The following CSNK1D variants were observed in gnomAD, a reference collection of about 807,000 sequenced individuals.
The protein encoded by CSNK1D is casein kinase I isoform delta.
In CSNK1D, 16 loss-of-function variants were observed where a neutral mutation model predicts 46.6. The ratio of observed to expected loss-of-function variants is 0.34; its 90% CI spans 0.23 to 0.52. The LOEUF (loss-of-function observed/expected upper bound fraction) is 0.52. Ranked by LOEUF, CSNK1D falls within the 20% of genes least tolerant of loss-of-function variation. The pLI is 0.95. For missense variants in CSNK1D, 398 were observed against 578.4 expected (o/e 0.69, Z 3.20); for synonymous variants, 276 against 228.2 (o/e 1.21, Z -1.89).
downstream of CSNK1D, among the ~76,000 whole-genome samples, chr17:82,242,318 G>A (rs1172627067): frequency 2.0e-5 from 3 of 152,194 alleles, no homozygotes; most frequent in East Asian, 1.9e-4. Context: ...TGAGCACCAC[G>A]GCCCTATGGC....
Position 82,273,198 on chromosome 17 carries a change from T to G in CSNK1D, c.76+108A>C. The G allele has an allele frequency of 8.5e-7, 1 of 1,170,000 alleles. No homozygotes were observed. Among genetic ancestry groups the G allele is most frequent in the Non-Finnish European group, 1.2e-6 (1 of 826,922 alleles). The allele number at this position is 1,170,000 out of a possible 1,614,324, so 72.5% of individuals were successfully genotyped here. ...GCCACGATCCGGCGGTGCCGGGACT[T>G]GCGCGGAGACCCCGCGGGGGCCACC... On this transcript the variant is annotated intron_variant, in intron 1 of 8. Transcript: ENST00000314028. This position sits in a 1 kb window ranked among gnomAD's most constrained non-coding sequence, Gnocchi z 5.1.
downstream of CSNK1D, chr17:82,240,089 C>G: frequency 8.1e-7 from 1 of 1,232,556 alleles, no homozygotes; most frequent in Non-Finnish European, 1.0e-6. Context: ...GCGAAAAGTG[C>G]ACATCTCAGG....
chr17:82,254,878 C>T (rs2051128886), intron 3 of CSNK1D, among the ~76,000 whole-genome samples: 1 of 142,788 alleles, frequency 7.0e-6, no homozygotes, highest in African/African-American at 2.6e-5. Context: ...CCGCCGGGGG[C>T]CTCGAGAAGC....
At chr17:82,271,526 G>A (rs1416546124) in intron 1 of CSNK1D, among the ~76,000 whole-genome samples, 1 of 152,180 alleles carries the variant, frequency 6.6e-6, no homozygotes, top group Non-Finnish European at 1.5e-5. Flanking sequence ...CCCAAACACT[G>A]CCAAGAACAC....
At chr17:82,263,052 T>C (rs1279172264) in intron 2 of CSNK1D, among the ~76,000 whole-genome samples, 3 of 152,122 alleles carry the variant, frequency 2.0e-5, no homozygotes. Flanking sequence ...GGGTGGCTCA[T>C]GCCTGTAATC....
chr17:82,255,123 A>G lies in CSNK1D; in HGVS notation c.336+306T>C, dbSNP rs1394467838. On this transcript the variant is annotated intron_variant, in intron 3 of 8. Coordinates refer to ENST00000314028, the MANE Select transcript of CSNK1D (RefSeq NM_001893.6). This position sits in a 1 kb window ranked among gnomAD's most constrained non-coding sequence, Gnocchi z 5.9. ...GGAGCCTCGAGAAGCCAGTGAGCTG[A>G]GCCGTCGGAGCCTCCAGAAGCCAGT... 8.6e-4 allele frequency: 347 copies of G among 405,688 alleles called. 1 individual carries two copies. Among genetic ancestry groups the G allele is most frequent in the African/African-American group, 2.7e-3 (118 of 44,356 alleles). The allele number at this position is 405,688 out of a possible 1,614,324, so 25.1% of individuals were successfully genotyped here.
rs2050848898 is a variant in CSNK1D, at chr17:82,246,296, CTT to C, written c.1198-1467_1198-1466del. On this transcript the variant is annotated intron_variant, in intron 8 of 8. Transcript: ENST00000314028. ...TGGCATGGGACAGGCCCTCCTGAGTCTTCTCAAGCACTAAGAAAACCTGATCC... is the reference window on the plus strand; with the variant it reads ...TGGCATGGGACAGGCCCTCCTGAGTCCTCAAGCACTAAGAAAACCTGATCC... 3.6e-6 allele frequency: 5 copies of C among 1,382,598 alleles called. No homozygotes were observed. The East Asian group carries it at 1.4e-4, about 40-fold the overall frequency. 85.6% of individuals were successfully genotyped at this position (1,382,598 alleles called of 1,614,324 possible).
At chr17:82,263,379 T>C (rs773814273) in intron 2 of CSNK1D, among the ~76,000 whole-genome samples, 51 of 152,200 alleles carry the variant, frequency 3.4e-4, no homozygotes, top group Non-Finnish European at 6.5e-4. Flanking sequence ...GAAGGTGCCA[T>C]GGGCAGGAAC....
At chr17:82,272,730 C>T (rs1383319978) in intron 1 of CSNK1D, among the ~76,000 whole-genome samples, 2 of 152,240 alleles carry the variant, frequency 1.3e-5, no homozygotes, top group East Asian at 3.9e-4. Context: ...CTGACATTTT[C>T]CCCCACGAAT....
intron 8 of CSNK1D, chr17:82,247,982 C>T (rs907612012): frequency 2.1e-5 from 21 of 985,366 alleles, no homozygotes; most frequent in African/African-American, 7.0e-5. Context: ...CACCCAGCCC[C>T]GCTCACGGCA....
chr17:82,265,597 T>G, intron 2 of CSNK1D, 89 bp downstream of exon 2: 6 of 1,037,250 alleles, frequency 5.8e-6, no homozygotes, highest in Non-Finnish European at 4.6e-6. Context: ...AGAACCAGTT[T>G]TGGGTTTATT....
At chr17:82,247,936 G>A (rs756812271) in intron 8 of CSNK1D, 380 of 985,336 alleles carry the variant, frequency 3.9e-4, no homozygotes, top group Non-Finnish European at 3.6e-4. Flanking sequence ...GGTCAAGAGT[G>A]CTCCCCACTC....
chr17:82,240,390 C>G (rs1323415570), downstream of CSNK1D, among the ~76,000 whole-genome samples: 1 of 152,168 alleles, frequency 6.6e-6, no homozygotes, highest in Admixed American at 6.5e-5. Context: ...ATGGCCTTCC[C>G]CCGCTGGCAC....
intron 2 of CSNK1D, among the ~76,000 whole-genome samples, chr17:82,261,944 T>C (rs1599608374): frequency 6.6e-6 from 1 of 152,192 alleles, no homozygotes; most frequent in South Asian, 2.1e-4. Flanking sequence ...GAAAAGCAGC[T>C]GTGAACTAAG....
At position 82,255,032 on chromosome 17, in the gene CSNK1D, T is replaced by TCGAGAAGCCAGTGAGCTGAGCCGG; in HGVS notation, c.336+396_336+397insCCGGCTCAGCTCACTGGCTTCTCG. ...CTCGAGAAGCCAGTGAGCTGAGCCG[T>TCGAGAAGCCAGTGAGCTGAGCCGG]CGGAGCCTCGAGAAGCCAGTGAGCT... On this transcript the variant is annotated intron_variant, in intron 3 of 8. Transcript: ENST00000314028. The surrounding 1 kb of genome is among the most constrained non-coding windows in gnomAD (Gnocchi z 5.9). 1 of 107,304 alleles carries TCGAGAAGCCAGTGAGCTGAGCCGG rather than the reference T, an allele frequency of 9.3e-6. No homozygotes were observed. Among genetic ancestry groups the TCGAGAAGCCAGTGAGCTGAGCCGG allele is most frequent in the African/African-American group, 8.0e-5 (1 of 12,434 alleles). The allele number at this position is 107,304 out of a possible 1,614,324, so 6.6% of individuals were successfully genotyped here.
At chr17:82,245,181 G>A in intron 8 of CSNK1D, 1 of 483,066 alleles carries the variant, frequency 2.1e-6, no homozygotes, top group South Asian at 2.1e-5. Flanking sequence ...GGGAAGACAT[G>A]AAAAGCAGTT....
Position 82,243,842 on chromosome 17 carries a change from A to G in CSNK1D, c.*939T>C. ...CTACAGTAACCACCTCTCGGTTCAC[A>G]GTCCTCTCCCAAGGGACCAGAAACG... On this transcript the variant is annotated 3_prime_UTR_variant, in exon 9 of 9. Coordinates refer to ENST00000314028, the MANE Select transcript of CSNK1D (RefSeq NM_001893.6). 1 of 985,600 alleles carries G rather than the reference A, an allele frequency of 1.0e-6. No homozygotes were observed. Among genetic ancestry groups the G allele is most frequent in the African/African-American group, 1.7e-5 (1 of 57,366 alleles). 61.1% of individuals were successfully genotyped at this position (985,600 alleles called of 1,614,324 possible).
At chr17:82,272,929 C>T (rs906114150) in intron 1 of CSNK1D, among the ~76,000 whole-genome samples, 2 of 148,254 alleles carry the variant, frequency 1.3e-5, no homozygotes, top group Non-Finnish European at 3.0e-5. Context: ...TGCCCCTCCC[C>T]CAGGCCCGCC....
intron 8 of CSNK1D, chr17:82,246,030 G>C: frequency 1.2e-6 from 2 of 1,609,924 alleles, no homozygotes; most frequent in Non-Finnish European, 8.5e-7. Context: ...TGTTCGAAAG[G>C]AATGCTATTC....
Sources: gnomAD v4.1 joint callset for allele counts (sites outside exome capture counted in the v4.1 genomes callset) on GRCh38, gnomAD v4.1.1 for gene constraint, Gnocchi (gnomAD v3.1) non-coding constraint, MANE v1.5 for transcripts, NCBI Gene and HGNC (gene_info 2026-07-23, HGNC 2026-07-21) for gene names.